ZNF559: variants seen among roughly 807,000 people sequenced by gnomAD.
ZNF559 encodes the protein zinc finger protein 559.
A neutral mutation model predicts 14.2 loss-of-function variants in ZNF559; 17 were observed. That is an observed-to-expected ratio of 1.20 (90% CI 0.82 to 1.80). ZNF559 has a LOEUF of 1.80. ZNF559 is among the 40% of genes most tolerant of loss of function. The pLI is 0.00. For missense variants in ZNF559, 740 were observed against 629.7 expected (o/e 1.18, Z -1.88); for synonymous variants, 244 against 212.4 (o/e 1.15, Z -1.29).
chr19:9,343,482 G>C lies in ZNF559; in HGVS notation c.*414G>C. ...TGCACGTCCTCTGGCTGTAAGGAAT[G>C]TGTTGAAACCTTTCACTCTGCCTTA... On this transcript the variant is annotated 3_prime_UTR_variant, in exon 7 of 7. Coordinates refer to ENST00000603380, the MANE Select transcript of ZNF559 (RefSeq NM_032497.3). 1.9e-6 allele frequency: 2 copies of C among 1,028,228 alleles called. No homozygotes were observed. The highest frequency in any genetic ancestry group is 2.3e-6 in the Non-Finnish European group (2 of 854,854). The allele number at this position is 1,028,228 out of a possible 1,614,324, so 63.7% of individuals were successfully genotyped here.
Position 9,341,082 on chromosome 19 carries a change from T to G in ZNF559, c.161-20T>G, listed in dbSNP as rs746146098. 6.3e-7 allele frequency: 1 copy of G among 1,581,876 alleles called. No homozygotes were observed. The highest frequency in any genetic ancestry group is 2.2e-5 in the East Asian group (1 of 44,724). Reference sequence around the variant, plus strand: ...TCATTATTTCTCTAAGAACTTAAAATTTTTTTCATCTTATTTCAGATTGGG... The same window carrying G: ...TCATTATTTCTCTAAGAACTTAAAAGTTTTTTCATCTTATTTCAGATTGGG... On this transcript the variant is annotated intron_variant, in intron 5 of 6. Coordinates refer to ENST00000603380, the MANE Select transcript of ZNF559 (RefSeq NM_032497.3).
rs576341111 is a variant in ZNF559, at chr19:9,343,591, T to G, written c.*523T>G. 1 of 991,548 alleles carries G rather than the reference T, an allele frequency of 1.0e-6. No homozygotes were observed. Among genetic ancestry groups the G allele is most frequent in the East Asian group, 1.1e-4 (1 of 8,982 alleles). 61.4% of individuals were successfully genotyped at this position (991,548 alleles called of 1,614,324 possible). A position where few individuals can be genotyped will look rare whatever the true frequency, so the allele number is the denominator to read the frequency against. ...GTGGAGATTCTTCTTTGTTTTTAGC[T>G]TCCACTTTGGGAACATGTCAAAGCA... On this transcript the variant is annotated 3_prime_UTR_variant, in exon 7 of 7. Transcript: ENST00000603380.
In ZNF559 at chr19:9,341,523, A is replaced by G. The variant is rs939209385; in HGVS notation, c.244-172A>G. The G allele has an allele frequency of 5.0e-6, 6 of 1,209,872 alleles. No individual in the cohort carries two copies. The Admixed American group carries it at 1.3e-4, about 26-fold the overall frequency. 74.9% of individuals were successfully genotyped at this position (1,209,872 alleles called of 1,614,324 possible). A position where few individuals can be genotyped will look rare whatever the true frequency, so the allele number is the denominator to read the frequency against. On this transcript the variant is annotated intron_variant, in intron 6 of 6. Transcript: ENST00000603380. ...GAACTTCCTGCAGTCACTTTGTTCC[A>G]CTTGAAAACACTCAGGTCTGAACCA...
intron 2 of ZNF559, among the ~76,000 whole-genome samples, chr19:9,327,712 T>C (rs1313554214): frequency 1.3e-5 from 2 of 151,790 alleles, no homozygotes; most frequent in Admixed American, 1.3e-4. Flanking sequence ...CTGCCCTCTA[T>C]ACTTTTTTTC....
Position 9,343,433 on chromosome 19 carries a change from G to A in ZNF559, c.*365G>A, listed in dbSNP as rs2067664401. The A allele has an allele frequency of 9.3e-7, 1 of 1,069,784 alleles. No homozygotes were observed. The highest frequency in any genetic ancestry group is 1.1e-6 in the Non-Finnish European group (1 of 882,180). 66.3% of individuals were successfully genotyped at this position (1,069,784 alleles called of 1,614,324 possible). ...CATTATTTTCCTCGGGCCTTACTGA[G>A]CTTGTGAGCACATTGGATATAAATG... is the stretch of plus-strand genomic sequence containing the variant. On this transcript the variant is annotated 3_prime_UTR_variant, in exon 7 of 7. Transcript: ENST00000603380.
rs779678814 is a variant in ZNF559 at position 9,342,302 on chromosome 19, T to C, written c.851T>C (p.Leu284Pro). 1 of 1,591,632 alleles carries C rather than the reference T, an allele frequency of 6.3e-7. No homozygotes were observed. ...AAAGCCTTTGCTTTTTCCCCAGATC[T>C]TGCTAAACATATAAGACTTAGAACT... ...FGKAFAFSPD[L>P]AKHIRLRTRG... Residue 284 changes from leucine (L) to proline (P), a missense_variant, in exon 7 of 7, where the codon CTT becomes CCT. Transcript: ENST00000603380.
intron 5 of ZNF559, 34 bp from the exon 6 acceptor site, chr19:9,341,068 C>T (rs989522769): frequency 1.4e-5 from 22 of 1,532,300 alleles, no homozygotes; most frequent in Non-Finnish European, 1.8e-5. Flanking sequence ...CATTATTTCT[C>T]TAAGAACTTA....
chr19:9,333,752 A>C (rs1463904068), intron 2 of ZNF559, among the ~76,000 whole-genome samples: 2 of 22,796 alleles, frequency 8.8e-5, no homozygotes, highest in Admixed American at 3.9e-4. Context: ...TGTAACTGAC[A>C]AAAAAAAAAA....
At position 9,345,007 on chromosome 19, in the gene ZNF559, C is replaced by T. The variant is rs143507845; in HGVS notation, c.*1939C>T. ...TCATGCCCTTTTATAATTTCTTCTT[C>T]TCCTCACCCTTCCCTGCCTGTCACT... On this transcript the variant is annotated 3_prime_UTR_variant, in exon 7 of 7. Transcript: ENST00000603380. 1 of 150,714 alleles carries T rather than the reference C, an allele frequency of 6.6e-6. No homozygotes were observed. Among genetic ancestry groups the T allele is most frequent in the Non-Finnish European group, 1.5e-5 (1 of 67,852 alleles). The allele number at this position is 150,714 out of a possible 1,614,324, so 9.3% of individuals were successfully genotyped here.
chr19:9,337,890 CAA>C (rs2067327171), intron 3 of ZNF559, 32 bp downstream of exon 3: 1 of 1,531,088 alleles, frequency 6.5e-7, no homozygotes, highest in Non-Finnish European at 8.7e-7. Flanking sequence ...ACTACTTAAT[CAA>C]GAGGAATTGA....
In ZNF559 at chr19:9,341,988, C is replaced by A; in HGVS notation, c.537C>A (p.His179Gln). 1 of 1,613,392 alleles carries A rather than the reference C, an allele frequency of 6.2e-7. No homozygotes were observed. Among genetic ancestry groups the A allele is most frequent in the Non-Finnish European group, 8.5e-7 (1 of 1,179,844 alleles). The change falls in exon 7 of 7, where the codon CAC becomes CAA. Residue 179 changes from histidine to glutamine, a missense_variant. Transcript: ENST00000603380. ...TACATCTTGTTTGCAAGAAAACTCA[C>A]ACTCAAGAGAAACCATATAAATGCA... ...QNLHLVCKKT[H>Q]TQEKPYKCSD...
rs545536064 is a variant in ZNF559 at position 9,339,934 on chromosome 19, ATTTTTTTTTTTTTT to A, written c.160+627_160+640del. ...CAGGCGCCCACCACCACGCCTGGCT[ATTTTTTTTTTTTTT>A]TTTTTTTTTTTGTATTTTTAGTAGG... On this transcript the variant is annotated intron_variant, in intron 5 of 6. Transcript: ENST00000603380. 6.9e-3 allele frequency among the ~76,000 whole-genome samples: 599 copies of A among 86,440 alleles called. 4 individuals carry two copies. In the East Asian group the frequency reaches 0.073, roughly 10 times the overall value. 56.7% of individuals were successfully genotyped at this position (86,440 alleles called of 152,430 possible).
rs1007132974 is a variant in ZNF559 at position 9,344,232 on chromosome 19, C to T, written c.*1164C>T. The T allele has an allele frequency of 6.6e-6, 1 of 151,698 alleles. No individual in the cohort carries two copies. Among genetic ancestry groups the T allele is most frequent in the Non-Finnish European group, 1.5e-5 (1 of 67,948 alleles). The allele number at this position is 151,698 out of a possible 1,614,324, so 9.4% of individuals were successfully genotyped here. On this transcript the variant is annotated 3_prime_UTR_variant, in exon 7 of 7. Coordinates refer to ENST00000603380, the MANE Select transcript of ZNF559 (RefSeq NM_032497.3). ...CTCCAGCCTGGATGATATGGTAAGA[C>T]CATCTCAAAAAAAGAAAAAAAAATT...
In ZNF559 at chr19:9,340,969, C is replaced by T. The variant is rs143382996; in HGVS notation, c.161-133C>T. ...TCCAAATTTCTCAATTTATGTTTCC[C>T]GTTCTTTAAAAAAACAAACTATATT... is the stretch of plus-strand genomic sequence containing the variant. On this transcript the variant is annotated intron_variant, in intron 5 of 6. Transcript: ENST00000603380. 1,118 of 711,814 alleles carry T rather than the reference C, an allele frequency of 1.6e-3. 8 individuals carry two copies. In the East Asian group the frequency reaches 0.025, roughly 16 times the overall value. The allele number at this position is 711,814 out of a possible 1,614,324, so 44.1% of individuals were successfully genotyped here.
At chr19:9,341,670 A>G in intron 6 of ZNF559, 25 bp from the exon 7 acceptor site, 2 of 1,601,454 alleles carry the variant, frequency 1.2e-6, no homozygotes, top group Non-Finnish European at 1.7e-6. Flanking sequence ...AACTTCTATG[A>G]ACCATCATTA....
intron 3 of ZNF559, chr19:9,338,072 C>T (rs2067339860): frequency 6.8e-7 from 1 of 1,474,824 alleles, no homozygotes; most frequent in South Asian, 1.2e-5. Context: ...CTGTGAACAG[C>T]TTGTCTTGTG....
chr19:9,329,118 ATTC>A (rs2066800688), intron 2 of ZNF559, among the ~76,000 whole-genome samples: 2 of 152,146 alleles, frequency 1.3e-5, no homozygotes, highest in East Asian at 3.9e-4. Flanking sequence ...TTTCTTTATT[ATTC>A]TTGTGCTTAC....
In ZNF559 at chr19:9,324,780, G is replaced by C. The variant is rs1020036465; in HGVS notation, c.-120G>C. Reference sequence around the variant, plus strand: ...CAACCTGACAATTCTGTCGTGTCCCGGTGAGCACTTCATGCACTTGTTCTG... The same window carrying C: ...CAACCTGACAATTCTGTCGTGTCCCCGTGAGCACTTCATGCACTTGTTCTG... On this transcript the variant is annotated splice_region_variant and 5_prime_UTR_variant, in exon 2 of 7. Coordinates refer to ENST00000603380, the MANE Select transcript of ZNF559 (RefSeq NM_032497.3). 3 of 1,535,858 alleles carry C rather than the reference G, an allele frequency of 2.0e-6. No homozygotes were observed. The Admixed American group carries it at 5.9e-5, about 30-fold the overall frequency.
chr19:9,341,094 T>A lies in ZNF559; in HGVS notation c.161-8T>A. 6.3e-7 allele frequency: 1 copy of A among 1,587,624 alleles called. No individual in the cohort carries two copies. The highest frequency in any genetic ancestry group is 8.5e-7 in the Non-Finnish European group (1 of 1,173,256). On this transcript the variant is annotated splice_region_variant and splice_polypyrimidine_tract_variant and intron_variant, in intron 5 of 6. Coordinates refer to ENST00000603380, the MANE Select transcript of ZNF559 (RefSeq NM_032497.3). ...TAAGAACTTAAAATTTTTTTCATCTTATTTCAGATTGGGAGAGTCATATTA... is the reference window on the plus strand; with the variant it reads ...TAAGAACTTAAAATTTTTTTCATCTAATTTCAGATTGGGAGAGTCATATTA...
Sources: allele counts gnomAD v4.1 joint callset (sites outside exome capture counted in the v4.1 genomes callset), GRCh38; gene constraint gnomAD v4.1.1; transcripts MANE v1.5; gene names NCBI Gene and HGNC (gene_info 2026-07-23, HGNC 2026-07-21).